STX7: variants seen among roughly 807,000 people sequenced by gnomAD.
The protein encoded by STX7 is syntaxin-7.
STX7 carries 34 observed loss-of-function variants against 39.6 expected under a neutral mutation model. The ratio of observed to expected loss-of-function variants is 0.86; its 90% CI spans 0.65 to 1.14. The LOEUF is 1.14. Ranked by LOEUF, STX7 falls within the 50% of genes most tolerant of loss-of-function variation. STX7 has a pLI of 0.00. For missense variants in STX7, 284 were observed against 310.4 expected (o/e 0.92, Z 0.64); for synonymous variants, 119 against 99.1 (o/e 1.20, Z -1.19).
chr6:132,465,557 T>C (rs1774545372), intron 8 of STX7, among the ~76,000 whole-genome samples: 1 of 152,212 alleles, frequency 6.6e-6, no homozygotes, highest in Non-Finnish European at 1.5e-5. Context: ...TGTTTCACTT[T>C]AAAGTCATGA....
At chr6:132,481,428 A>G (rs1361479720) in intron 2 of STX7, among the ~76,000 whole-genome samples, 2 of 152,228 alleles carry the variant, frequency 1.3e-5, no homozygotes, top group East Asian at 3.8e-4. Context: ...TAATGAAAGT[A>G]TTAGTCACTA....
chr6:132,477,352 C>T (rs948158527), intron 2 of STX7, among the ~76,000 whole-genome samples: 9 of 151,780 alleles, frequency 5.9e-5, no homozygotes, highest in Admixed American at 2.6e-4. Context: ...GTATGGGCAT[C>T]GATAGACTAT....
rs1335463098 is a variant in STX7 at position 132,460,795 on chromosome 6, G to C, written c.749C>G (p.Ala250Gly). 4 of 1,613,396 alleles carry C rather than the reference G, an allele frequency of 2.5e-6. No homozygotes were observed. The highest frequency in any genetic ancestry group is 3.3e-5 in the Admixed American group (2 of 59,980). ...IIILILVIGV[A>G]IISLIIWGLN... ...TCCCCATATGATGAGACTGATAATC[G>C]CAACTCCAATGACAAGGATAAGAAT... Residue 250 changes from alanine to glycine, a missense_variant, in exon 10 of 10, where the codon GCG (alanine) becomes GGG (glycine). Coordinates refer to ENST00000367941, the MANE Select transcript of STX7 (RefSeq NM_003569.3).
rs1774235744 is a variant in STX7, at chr6:132,456,073, C to T, written c.*4685G>A. The T allele has an allele frequency of 6.6e-6, 1 of 152,014 alleles. No homozygotes were observed. The highest frequency in any genetic ancestry group is 2.4e-5 in the African/African-American group (1 of 41,374). The allele number at this position is 152,014 out of a possible 1,614,324, so 9.4% of individuals were successfully genotyped here. On this transcript the variant is annotated 3_prime_UTR_variant, in exon 10 of 10. Transcript: ENST00000367941. ...TTGGGGCAGTAATTCTATACATATC[C>T]TGTAAATGTCTGTCCTGATGATCAG... is the stretch of plus-strand genomic sequence containing the variant.
At chr6:132,509,049 T>G (rs1180312416) in intron 1 of STX7, among the ~76,000 whole-genome samples, 1 of 152,198 alleles carries the variant, frequency 6.6e-6, no homozygotes, top group Non-Finnish European at 1.5e-5. Flanking sequence ...TGCCTCATTA[T>G]CATTATAAGC....
intron 1 of STX7, among the ~76,000 whole-genome samples, chr6:132,511,769 G>A (rs1052810100): frequency 2.0e-5 from 3 of 152,052 alleles, no homozygotes; most frequent in African/African-American, 7.3e-5. Context: ...CATGAAACTT[G>A]CAAATTAAAT....
At chr6:132,493,986 G>C (rs1178419775) in intron 2 of STX7, among the ~76,000 whole-genome samples, 4 of 152,100 alleles carry the variant, frequency 2.6e-5, no homozygotes, top group African/African-American at 9.7e-5. Flanking sequence ...AAAATAACTA[G>C]TCATTATTAT....
At chr6:132,471,281 A>T (rs1774714928) in intron 5 of STX7, among the ~76,000 whole-genome samples, 182 bp downstream of exon 5, 1 of 152,234 alleles carries the variant, frequency 6.6e-6, no homozygotes, top group African/African-American at 2.4e-5. Context: ...TCACCACCGT[A>T]ATACAAAATT....
At chr6:132,509,482 C>A (rs370305263) in intron 1 of STX7, among the ~76,000 whole-genome samples, 106,547 of 127,604 alleles carry the variant, frequency 0.83, 43,845 homozygotes, top group Middle Eastern at 0.9. Flanking sequence ...CATAACATAA[C>A]ATAACATAAC....
chr6:132,513,386 C>T (rs146822092), upstream of STX7, among the ~76,000 whole-genome samples: 4 of 152,342 alleles, frequency 2.6e-5, no homozygotes, highest in East Asian at 7.7e-4. Context: ...TCACCCCGCC[C>T]CATTAGCTCT....
At chr6:132,498,228 T>C (rs1775464527) in intron 2 of STX7, among the ~76,000 whole-genome samples, 2 of 152,118 alleles carry the variant, frequency 1.3e-5, no homozygotes, top group Admixed American at 1.3e-4. Context: ...AGTTTTATTA[T>C]TTTAATATAA....
chr6:132,464,888 G>C (rs1158748656), intron 8 of STX7, among the ~76,000 whole-genome samples: 1 of 152,138 alleles, frequency 6.6e-6, no homozygotes, highest in Non-Finnish European at 1.5e-5. Flanking sequence ...GGGGCCTGGA[G>C]GTGGAACGGG....
In STX7 at chr6:132,446,621, G is replaced by C. The variant is rs1013629373; in HGVS notation, c.*14137C>G. 6.6e-6 allele frequency: 1 copy of C among 152,128 alleles called. No homozygotes were observed. Among genetic ancestry groups the C allele is most frequent in the African/African-American group, 2.4e-5 (1 of 41,430 alleles). The allele number at this position is 152,128 out of a possible 1,614,324, so 9.4% of individuals were successfully genotyped here. A position where few individuals can be genotyped will look rare whatever the true frequency, so the allele number is the denominator to read the frequency against. On this transcript the variant is annotated 3_prime_UTR_variant, in exon 10 of 10. Transcript: ENST00000367941. Reference sequence around the variant, plus strand: ...CTCAGCAAATGCTTACTAAATGAATGAATGACTCTACCCAAGCTTGTGTCT... The same window carrying C: ...CTCAGCAAATGCTTACTAAATGAATCAATGACTCTACCCAAGCTTGTGTCT...
chr6:132,480,339 G>T (rs1035086003), intron 2 of STX7, among the ~76,000 whole-genome samples: 3 of 152,104 alleles, frequency 2.0e-5, no homozygotes, highest in African/African-American at 2.4e-5. Context: ...GATCCTTATG[G>T]TCTCAAAGAA....
At chr6:132,469,677 A>G (rs902215909) in intron 7 of STX7, among the ~76,000 whole-genome samples, 2 of 152,098 alleles carry the variant, frequency 1.3e-5, no homozygotes, top group Non-Finnish European at 2.9e-5. Context: ...TTCTCTGCTA[A>G]AAGTACAAAA....
At chr6:132,475,747 G>A in intron 2 of STX7, 85 bp from the exon 3 acceptor site, 1 of 785,068 alleles carries the variant, frequency 1.3e-6, no homozygotes, top group South Asian at 2.3e-5. Flanking sequence ...ACAAGCAATT[G>A]GGCAGTTGAA....
intron 2 of STX7, among the ~76,000 whole-genome samples, chr6:132,488,635 G>A (rs1472362099): frequency 6.6e-6 from 1 of 152,044 alleles, no homozygotes; most frequent in Non-Finnish European, 1.5e-5. Flanking sequence ...ATACTTGAGT[G>A]CTAATACTTA....
chr6:132,476,265 G>GA (rs1446865295), intron 2 of STX7, among the ~76,000 whole-genome samples: 3 of 151,998 alleles, frequency 2.0e-5, no homozygotes, highest in Non-Finnish European at 4.4e-5. Context: ...AGTGAGAATG[G>GA]AAAAAACTGA....
chr6:132,450,745 A>C lies in STX7; in HGVS notation c.*10013T>G, dbSNP rs1213104836. Reference sequence around the variant, plus strand: ...TTACACAGTCTGAACAACAGAAGAAAACAGGCAGAACAAAGATGAACAGAA... The same window carrying C: ...TTACACAGTCTGAACAACAGAAGAACACAGGCAGAACAAAGATGAACAGAA... On this transcript the variant is annotated 3_prime_UTR_variant, in exon 10 of 10. Coordinates refer to ENST00000367941, the MANE Select transcript of STX7 (RefSeq NM_003569.3). The C allele has an allele frequency of 1.3e-5, 2 of 152,172 alleles. No individual in the cohort carries two copies. The highest frequency in any genetic ancestry group is 2.9e-5 in the Non-Finnish European group (2 of 68,024). 9.4% of individuals were successfully genotyped at this position (152,172 alleles called of 1,614,324 possible).
Sources: gnomAD v4.1 joint callset for allele counts (sites outside exome capture counted in the v4.1 genomes callset) on GRCh38, gnomAD v4.1.1 for gene constraint, MANE v1.5 for transcripts, NCBI Gene and HGNC (gene_info 2026-07-23, HGNC 2026-07-21) for gene names.